EFCAB6: variants seen among roughly 807,000 people sequenced by gnomAD.
EFCAB6 encodes EF-hand calcium binding domain 6, also known as EF-hand calcium-binding domain-containing protein 6.
Under a neutral mutation model 169.8 loss-of-function variants are expected in EFCAB6, and 156 were observed. The observed-to-expected ratio is 0.92, with a 90% CI of 0.81 to 1.05. EFCAB6 has a LOEUF of 1.05. Ranked by LOEUF, EFCAB6 falls within the 50% of genes least tolerant of loss-of-function variation. EFCAB6 has a pLI of 0.00. For missense variants in EFCAB6, 1,800 were observed against 1,829.1 expected (o/e 0.98, Z 0.29); for synonymous variants, 698 against 676.4 (o/e 1.03, Z -0.50).
chr22:43,623,669 G>A (rs745714019), intron 20 of EFCAB6, among the ~76,000 whole-genome samples: 1 of 151,052 alleles, frequency 6.6e-6, no homozygotes. Flanking sequence ...GCCAAGGTGG[G>A]CGTATCACGA....
chr22:43,811,402 G>T (rs1431447421), intron 1 of EFCAB6, among the ~76,000 whole-genome samples: 2 of 150,352 alleles, frequency 1.3e-5, no homozygotes, highest in Non-Finnish European at 3.0e-5. Flanking sequence ...GAAAAGAAAA[G>T]AAAAGAAAAA....
At chr22:43,673,019 C>T (rs749060253) in intron 13 of EFCAB6, among the ~76,000 whole-genome samples, 39 of 151,992 alleles carry the variant, frequency 2.6e-4, no homozygotes, top group Non-Finnish European at 3.8e-4. Context: ...ATGGCGAAAA[C>T]GCAAAAGTAA....
In EFCAB6 at chr22:43,626,641, C is replaced by T. The variant is rs761657114; in HGVS notation, c.2271G>A (p.Arg757=). ...YSAFFKTDAD[R]DGIINMHDLH... is the part of the protein sequence containing the mutation. ...GGTCATGCATGTTGATTATGCCATCCCTGTCAGCATCTGTTTTAAAGAAGG... is the reference window on the plus strand; with the variant it reads ...GGTCATGCATGTTGATTATGCCATCTCTGTCAGCATCTGTTTTAAAGAAGG... The change falls in exon 20 of 32, where the codon AGG becomes AGA. Residue 757 remains arginine, a synonymous_variant. Transcript: ENST00000262726. The T allele has an allele frequency of 2.5e-6, 4 of 1,614,138 alleles. No homozygotes were observed. The highest frequency in any genetic ancestry group is 3.4e-6 in the Non-Finnish European group (4 of 1,180,030).
At position 43,735,861 on chromosome 22, in the gene EFCAB6, C is replaced by T. The variant is rs774687189; in HGVS notation, c.640G>A (p.Glu214Lys). 1.5e-5 allele frequency: 24 copies of T among 1,611,652 alleles called. No individual in the cohort carries two copies. The highest frequency in any genetic ancestry group is 6.7e-5 in the East Asian group (3 of 44,870). Residue 214 changes from glutamate to lysine, a missense_variant, in exon 7 of 32, where the codon GAA (glutamate) becomes AAA (lysine). Coordinates refer to ENST00000262726, the MANE Select transcript of EFCAB6 (RefSeq NM_022785.4). ...ACCGTGCCTTCATTTGCTTACTTTT[C>T]GTATTCCTCGTCTCTTAACTTCATA... is the stretch of plus-strand genomic sequence containing the variant. Reference protein sequence around the residue: ...FCMKLRDEEYEKFSKHYNIHK... With the variant: ...FCMKLRDEEYKKFSKHYNIHK...
intron 25 of EFCAB6, among the ~76,000 whole-genome samples, chr22:43,578,351 G>A (rs765988880): frequency 3.9e-5 from 6 of 152,210 alleles, no homozygotes; most frequent in Non-Finnish European, 7.4e-5. Flanking sequence ...ACTCTGTGAC[G>A]TTAGAAGGGA....
In EFCAB6 at chr22:43,623,808, C is replaced by A. The variant is rs1164725643; in HGVS notation, c.2465+2639G>T. ...CCTGTAGTCCCAGCTACTTGGGAGG[C>A]TGAGGCAGGAGAATGGCGTGAACCT... On this transcript the variant is annotated intron_variant, in intron 20 of 31. Coordinates refer to ENST00000262726, the MANE Select transcript of EFCAB6 (RefSeq NM_022785.4). Among the ~76,000 whole-genome samples, 5 of 147,940 alleles carry A rather than the reference C, an allele frequency of 3.4e-5. No homozygotes were observed. In the Admixed American group the frequency reaches 3.4e-4, roughly 10 times the overall value.
chr22:43,767,769 A>T (rs758323360), intron 4 of EFCAB6, among the ~76,000 whole-genome samples: 101 of 152,330 alleles, frequency 6.6e-4, no homozygotes, highest in Admixed American at 3.1e-3. Flanking sequence ...TGCATTTCAT[A>T]TTGCTACTTA....
intron 5 of EFCAB6, 23 bp downstream of exon 5, chr22:43,765,282 A>G: frequency 1.3e-6 from 2 of 1,581,994 alleles, no homozygotes; most frequent in African/African-American, 2.7e-5. Context: ...TCACATTTTC[A>G]CATGAGCAAA....
chr22:43,666,648 T>G (rs1188040598), intron 17 of EFCAB6, among the ~76,000 whole-genome samples: 1 of 149,284 alleles, frequency 6.7e-6, no homozygotes, highest in African/African-American at 2.4e-5. Flanking sequence ...CATAAGCACA[T>G]GCAAATCAGC....
chr22:43,658,667 G>A (rs914453305), intron 17 of EFCAB6, among the ~76,000 whole-genome samples: 3 of 152,138 alleles, frequency 2.0e-5, no homozygotes, highest in Non-Finnish European at 2.9e-5. Context: ...CGTGCCCTTC[G>A]GGGCACAGCT....
chr22:43,738,978 G>T (rs748862567), intron 6 of EFCAB6, among the ~76,000 whole-genome samples: 3 of 152,134 alleles, frequency 2.0e-5, no homozygotes, highest in Admixed American at 2.0e-4. Flanking sequence ...CCCCAGGCAA[G>T]GAAGTGCTCC....
At chr22:43,738,518 C>A (rs1191308310) in intron 6 of EFCAB6, among the ~76,000 whole-genome samples, 8 of 151,560 alleles carry the variant, frequency 5.3e-5, no homozygotes, top group Admixed American at 4.6e-4. Flanking sequence ...CACACCATAT[C>A]TCACACATAT....
chr22:43,542,655 A>G (rs2047805851), intron 27 of EFCAB6, among the ~76,000 whole-genome samples: 2 of 152,190 alleles, frequency 1.3e-5, no homozygotes, highest in Non-Finnish European at 2.9e-5. Context: ...ATTTTAACTG[A>G]AGAGCCTCAG....
chr22:43,567,071 T>A lies in EFCAB6; in HGVS notation c.3420+9226A>T, dbSNP rs141545219. Among the ~76,000 whole-genome samples, 581 of 152,180 alleles carry A rather than the reference T, an allele frequency of 3.8e-3. 4 individuals are homozygous for A. The highest frequency in any genetic ancestry group is 0.034 in the Middle Eastern group (10 of 294). ...TCAGTGCAAGCTCATCAGAAAGCCA[T>A]TTCTGCCCATCCTTCCCCCACTCAG... On this transcript the variant is annotated intron_variant, in intron 26 of 31. Transcript: ENST00000262726.
At chr22:43,667,000 A>T (rs553759022) in intron 17 of EFCAB6, 104 bp downstream of exon 17, 2 of 1,333,258 alleles carry the variant, frequency 1.5e-6, no homozygotes, top group Admixed American at 2.5e-5. Flanking sequence ...CTAGAAATGG[A>T]TCTGCTGCGT....
intron 27 of EFCAB6, chr22:43,540,659 T>C: frequency 1.1e-6 from 1 of 917,746 alleles, no homozygotes. Flanking sequence ...TCACAGTGCC[T>C]GAGCTGCAGT....
chr22:43,737,478 TCA>T (rs752560932), intron 6 of EFCAB6, among the ~76,000 whole-genome samples: 6 of 117,604 alleles, frequency 5.1e-5, no homozygotes, highest in East Asian at 4.9e-4. Flanking sequence ...GTGCATATAT[TCA>T]CACACACACC....
chr22:43,559,587 C>A (rs1177308262), intron 26 of EFCAB6, among the ~76,000 whole-genome samples: 1 of 152,138 alleles, frequency 6.6e-6, no homozygotes, highest in Non-Finnish European at 1.5e-5. Context: ...GCACTATTTA[C>A]AATAGCAAAG....
chr22:43,540,606 G>C, intron 27 of EFCAB6: 7 of 1,407,274 alleles, frequency 5.0e-6, no homozygotes, highest in Non-Finnish European at 6.5e-6. Context: ...AATTGAATTG[G>C]GCCCTCAGTG....
Sources: allele counts gnomAD v4.1 joint callset (sites outside exome capture counted in the v4.1 genomes callset), GRCh38; gene constraint gnomAD v4.1.1; transcripts MANE v1.5; gene names NCBI Gene and HGNC (gene_info 2026-07-23, HGNC 2026-07-21).